AMMECR1: variants seen among roughly 807,000 people sequenced by gnomAD.
The protein encoded by AMMECR1 is nuclear protein AMMECR1.
AMMECR1 carries 3 observed loss-of-function variants against 22.5 expected under a neutral mutation model. That is an observed-to-expected ratio of 0.13 (90% CI 0.06 to 0.35). The LOEUF (loss-of-function observed/expected upper bound fraction) is 0.35. Ranked by LOEUF, AMMECR1 falls within the 10% of genes least tolerant of loss-of-function variation. The pLI is 1.00. For missense variants in AMMECR1, 235 were observed against 278.7 expected (o/e 0.84, Z 1.12); for synonymous variants, 130 against 116.7 (o/e 1.11, Z -0.74).
intron 2 of AMMECR1, among the ~76,000 whole-genome samples, chrX:110,254,804 G>C (rs778880391): frequency 5.4e-5 from 6 of 111,575 alleles, no homozygotes; most frequent in South Asian, 3.8e-4. Flanking sequence ...TTAAAATAAG[G>C]TGCAAAAAAG....
chrX:110,344,095 A>C (rs1037492738), intron 2 of AMMECR1, among the ~76,000 whole-genome samples: 3 of 111,638 alleles, frequency 2.7e-5, no homozygotes, highest in South Asian at 3.8e-4. Flanking sequence ...TTCAAACTAT[A>C]CTACAAGGCT....
At chrX:110,422,665 A>G (rs1472749439) in intron 2 of AMMECR1, among the ~76,000 whole-genome samples, 2 of 112,342 alleles carry the variant, frequency 1.8e-5, no homozygotes, top group Non-Finnish European at 3.8e-5. Context: ...TTCCCTTAAA[A>G]ATGACAACCT....
At chrX:110,368,452 A>C (rs2068313530) in intron 2 of AMMECR1, among the ~76,000 whole-genome samples, 1 of 111,515 alleles carries the variant, frequency 9.0e-6, no homozygotes, top group African/African-American at 3.3e-5. Flanking sequence ...CATACCAAGA[A>C]AACTCCCAGA....
chrX:110,412,279 T>G (rs1005055874), intron 2 of AMMECR1, among the ~76,000 whole-genome samples: 5 of 112,592 alleles, frequency 4.4e-5, no homozygotes, highest in African/African-American at 1.6e-4. Flanking sequence ...CTTAGGAGTT[T>G]ACCTTTGCAA....
chrX:110,195,294 T>C lies in AMMECR1; in HGVS notation c.*3226A>G, dbSNP rs1174752921. 9.0e-6 allele frequency: 1 copy of C among 111,649 alleles called. No homozygotes were observed. Among genetic ancestry groups the C allele is most frequent in the Non-Finnish European group, 1.9e-5 (1 of 53,130 alleles). 9.2% of individuals were successfully genotyped at this position (111,649 alleles called of 1,213,427 possible). On this transcript the variant is annotated 3_prime_UTR_variant, in exon 6 of 6. Transcript: ENST00000262844. ...CAAGCCTTGCACTTCCTCCATCAAT[T>C]TCACTGACCTCTCGTGTTAGGGGAG...
At chrX:110,234,401 G>T (rs2067588428) in intron 2 of AMMECR1, among the ~76,000 whole-genome samples, 3 of 111,897 alleles carry the variant, frequency 2.7e-5, no homozygotes, top group Non-Finnish European at 5.6e-5. Flanking sequence ...TGGCCATACT[G>T]CCCAAAGTAA....
At chrX:110,424,695 A>G (rs1256362994) in intron 2 of AMMECR1, among the ~76,000 whole-genome samples, 1 of 112,048 alleles carries the variant, frequency 8.9e-6, no homozygotes, top group Non-Finnish European at 1.9e-5. Flanking sequence ...AAAACCAAGC[A>G]TGTAATTATA....
intron 2 of AMMECR1, among the ~76,000 whole-genome samples, chrX:110,350,032 G>A (rs976178094): frequency 1.8e-5 from 2 of 112,296 alleles, no homozygotes; most frequent in Admixed American, 9.4e-5. Context: ...AAGAAAGCCT[G>A]CCATCTTATG....
chrX:110,285,225 T>C (rs1469497476), intron 1 of AMMECR1, among the ~76,000 whole-genome samples: 1 of 112,129 alleles, frequency 8.9e-6, no homozygotes, highest in Non-Finnish European at 1.9e-5. Flanking sequence ...TAACAATGAC[T>C]CAAAGTGTGG....
intron 1 of AMMECR1, among the ~76,000 whole-genome samples, chrX:110,437,528 G>A (rs2068847904): frequency 8.9e-6 from 1 of 112,068 alleles, no homozygotes; most frequent in African/African-American, 3.2e-5. Flanking sequence ...AATCCAAACT[G>A]TGTCCACTAG....
At chrX:110,357,857 C>T (rs1166984373) in intron 2 of AMMECR1, among the ~76,000 whole-genome samples, 3 of 111,391 alleles carry the variant, frequency 2.7e-5, no homozygotes, top group Non-Finnish European at 3.8e-5. Context: ...CAAGGCAAGA[C>T]CCTGGCCTCA....
intron 1 of AMMECR1, among the ~76,000 whole-genome samples, chrX:110,265,606 T>G (rs17254859): frequency 0.012 from 1,315 of 111,828 alleles, 13 homozygotes; most frequent in Non-Finnish European, 0.018. Flanking sequence ...CCAGTTTTTA[T>G]GAAATAATTT....
At chrX:110,385,830 T>C (rs1341802905) in intron 2 of AMMECR1, among the ~76,000 whole-genome samples, 1 of 111,314 alleles carries the variant, frequency 9.0e-6, no homozygotes, top group Non-Finnish European at 1.9e-5. Context: ...TCCTCCCCTG[T>C]CTAGTAGTCT....
upstream of AMMECR1, among the ~76,000 whole-genome samples, chrX:110,321,214 A>G (rs750204300): frequency 3.1e-4 from 35 of 111,921 alleles, no homozygotes; most frequent in Non-Finnish European, 6.4e-4. Flanking sequence ...CTTGAAGTAT[A>G]AAGGTCAAAA....
At chrX:110,374,336 T>TA (rs1020602868) in intron 2 of AMMECR1, among the ~76,000 whole-genome samples, 4 of 112,080 alleles carry the variant, frequency 3.6e-5, no homozygotes, top group South Asian at 3.7e-4. Context: ...ATATGCACAT[T>TA]AAAAAAATGA....
intron 2 of AMMECR1, among the ~76,000 whole-genome samples, chrX:110,242,673 A>C (rs1391675394): frequency 8.9e-6 from 1 of 111,987 alleles, no homozygotes; most frequent in Non-Finnish European, 1.9e-5. Flanking sequence ...TGACTTGGGC[A>C]AATATTTAAG....
At chrX:110,376,418 A>G (rs939866970) in intron 2 of AMMECR1, among the ~76,000 whole-genome samples, 1 of 111,635 alleles carries the variant, frequency 9.0e-6, no homozygotes, top group Non-Finnish European at 1.9e-5. Context: ...ACAGGACCAG[A>G]TGGCCTTAAT....
intron 2 of AMMECR1, among the ~76,000 whole-genome samples, chrX:110,336,462 T>A (rs764344802): frequency 3.3e-4 from 37 of 110,871 alleles, no homozygotes; most frequent in Non-Finnish European, 6.2e-4. Flanking sequence ...GGTGAGTGGA[T>A]CATCTGAGAT....
chrX:110,439,954 T>C (rs1359811053), exon 1 of AMMECR1: 1 of 110,684 alleles, frequency 9.0e-6, no homozygotes, highest in Non-Finnish European at 1.9e-5. Context: ...GCCGAGTCAG[T>C]TGCATCAGAT....
Sources: gnomAD v4.1 joint callset for allele counts (sites outside exome capture counted in the v4.1 genomes callset) on GRCh38, gnomAD v4.1.1 for gene constraint, MANE v1.5 for transcripts, NCBI Gene and HGNC (gene_info 2026-07-23, HGNC 2026-07-21) for gene names.